DPF3: variants seen among roughly 807,000 people sequenced by gnomAD.
DPF3 encodes the protein double PHD fingers 3, also known as zinc finger protein DPF3.
DPF3 carries 18 observed loss-of-function variants against 56.8 expected under a neutral mutation model. The ratio of observed to expected loss-of-function variants is 0.32; its 90% CI spans 0.22 to 0.47. DPF3 has a LOEUF of 0.47. Ranked by LOEUF, DPF3 falls within the 20% of genes least tolerant of loss-of-function variation. The probability of loss-of-function intolerance (pLI) is 1.00; values close to 1 mark genes in which losing one functional copy is unlikely to be tolerated. For missense variants in DPF3, 403 were observed against 488.8 expected, an observed-to-expected ratio of 0.82 and a Z score of 1.65; for synonymous variants, 188 against 180.2, an observed-to-expected ratio of 1.04 and a Z score of -0.35.
At chr14:72,648,819 A>T (rs1333196755) in intron 8 of DPF3, among the ~76,000 whole-genome samples, 1 of 151,996 alleles carries the variant, frequency 6.6e-6, no homozygotes, top group East Asian at 1.9e-4. Context: ...CCAGCATACA[A>T]ACAAGCCATA....
chr14:72,783,086 T>A (rs1343547009), intron 1 of DPF3, among the ~76,000 whole-genome samples: 1 of 152,098 alleles, frequency 6.6e-6, no homozygotes, highest in East Asian at 1.9e-4. Context: ...ATATGCCATC[T>A]CCTCTACCTG....
At chr14:72,688,278 G>T (rs1310558437) in intron 7 of DPF3, among the ~76,000 whole-genome samples, 1 of 112,288 alleles carries the variant, frequency 8.9e-6, no homozygotes, top group Non-Finnish European at 1.8e-5. Flanking sequence ...TGAGTGGGTG[G>T]GTGGGTGGGT....
At chr14:72,858,933 C>T (rs762534688) in intron 1 of DPF3, among the ~76,000 whole-genome samples, 1 of 151,992 alleles carries the variant, frequency 6.6e-6, no homozygotes, top group Non-Finnish European at 1.5e-5. Flanking sequence ...TAAAATACTG[C>T]TAAATAACAC....
intron 8 of DPF3, among the ~76,000 whole-genome samples, chr14:72,629,963 G>A (rs994758): frequency 0.2 from 30,626 of 151,976 alleles, 4,205 homozygotes; most frequent in African/African-American, 0.39. Context: ...TGCTTGCACT[G>A]AGACCATATT....
At chr14:72,708,979 T>C (rs954850176) in intron 6 of DPF3, among the ~76,000 whole-genome samples, 1 of 152,188 alleles carries the variant, frequency 6.6e-6, no homozygotes, top group Non-Finnish European at 1.5e-5. Flanking sequence ...ACCAGTGCCA[T>C]AGCAACTGAG....
At chr14:72,625,127 T>G (rs1884745879) in intron 9 of DPF3, among the ~76,000 whole-genome samples, 1 of 152,154 alleles carries the variant, frequency 6.6e-6, no homozygotes, top group Admixed American at 6.5e-5. Context: ...CATCATACTT[T>G]TGCCCACTAA....
chr14:72,795,663 C>G (rs1370185720), intron 1 of DPF3, among the ~76,000 whole-genome samples: 2 of 152,178 alleles, frequency 1.3e-5, no homozygotes, highest in East Asian at 3.9e-4. Context: ...CAGGCCCTGT[C>G]AAGTCCCAGG....
At chr14:72,741,033 G>A (rs560576913) in intron 3 of DPF3, among the ~76,000 whole-genome samples, 12 of 152,206 alleles carry the variant, frequency 7.9e-5, no homozygotes, top group East Asian at 3.9e-4. Flanking sequence ...AGCAAGGCCC[G>A]TCTCTAAAAA....
chr14:72,640,073 A>ATGG (rs1885506648), intron 8 of DPF3, among the ~76,000 whole-genome samples: 1 of 105,490 alleles, frequency 9.5e-6, no homozygotes, highest in African/African-American at 3.1e-5. Context: ...AAAAAAAAAA[A>ATGG]AAAAAAATGG....
intron 8 of DPF3, among the ~76,000 whole-genome samples, chr14:72,634,707 T>C (rs1316670620): frequency 6.7e-6 from 1 of 150,026 alleles, no homozygotes; most frequent in Non-Finnish European, 1.5e-5. Context: ...AGTACTGCAA[T>C]TACTTTTGCA....
chr14:72,637,201 G>A (rs1422482031), intron 8 of DPF3, among the ~76,000 whole-genome samples: 1 of 152,182 alleles, frequency 6.6e-6, no homozygotes, highest in Non-Finnish European at 1.5e-5. Flanking sequence ...CCAAGTTTTC[G>A]TGGTCAGGTG....
intron 1 of DPF3, among the ~76,000 whole-genome samples, chr14:72,865,942 G>A (rs1358090260): frequency 6.6e-6 from 1 of 152,150 alleles, no homozygotes; most frequent in African/African-American, 2.4e-5. Flanking sequence ...AGCTACTTGG[G>A]AGGCTGAGGC....
chr14:72,669,816 C>G (rs967843947), intron 8 of DPF3: 4 of 858,724 alleles, frequency 4.7e-6, no homozygotes, highest in Non-Finnish European at 5.6e-6. Flanking sequence ...CCAGCAGCCA[C>G]TCTTACACTA....
chr14:72,700,237 C>T (rs1320994989), intron 6 of DPF3, among the ~76,000 whole-genome samples: 1 of 152,194 alleles, frequency 6.6e-6, no homozygotes, highest in Admixed American at 6.5e-5. Context: ...TCACTGCAAA[C>T]ACCATGGGCC....
rs1884326927 is a variant in DPF3, at chr14:72,620,041, G to A, written c.985-57C>T. The A allele has an allele frequency of 5.5e-6, 8 of 1,457,050 alleles. No individual in the cohort carries two copies. The African/African-American group carries it at 7.1e-5, about 13-fold the overall frequency. The allele number at this position is 1,457,050 out of a possible 1,614,324, so 90.3% of individuals were successfully genotyped here. A position where few individuals can be genotyped will look rare whatever the true frequency, so the allele number is the denominator to read the frequency against. On this transcript the variant is annotated intron_variant, in intron 9 of 10. Transcript: ENST00000556509. ...AGAGATTCCATTATTCGGGGCCAAT[G>A]TCTGGCCCCCGCTTACCCATCAGCC...
intron 7 of DPF3, among the ~76,000 whole-genome samples, chr14:72,677,429 C>A (rs949991930): frequency 2.0e-5 from 3 of 152,190 alleles, no homozygotes; most frequent in African/African-American, 7.2e-5. Context: ...CTCTCCCAAA[C>A]TTCAGCTAAA....
chr14:72,762,034 A>C (rs780359992), intron 2 of DPF3, among the ~76,000 whole-genome samples: 22 of 152,024 alleles, frequency 1.4e-4, no homozygotes, highest in Admixed American at 2.6e-4. Flanking sequence ...TATCTATAAA[A>C]TAAATTAAAT....
chr14:72,689,871 C>G (rs932193991), intron 7 of DPF3, among the ~76,000 whole-genome samples: 7 of 152,106 alleles, frequency 4.6e-5, no homozygotes, highest in African/African-American at 1.7e-4. Context: ...TCCCCACTAG[C>G]AAAACTGGGT....
At chr14:72,803,477 C>A (rs1287319219) in intron 1 of DPF3, among the ~76,000 whole-genome samples, 1 of 152,202 alleles carries the variant, frequency 6.6e-6, no homozygotes, top group Non-Finnish European at 1.5e-5. Flanking sequence ...GAGGTTGTTG[C>A]CTGGTGATGG....
Sources: gnomAD v4.1 joint callset for allele counts (sites outside exome capture counted in the v4.1 genomes callset) on GRCh38, gnomAD v4.1.1 for gene constraint, MANE v1.5 for transcripts, NCBI Gene and HGNC (gene_info 2026-07-23, HGNC 2026-07-21) for gene names.